The following IGF1R variants were observed in gnomAD, a reference collection of about 807,000 sequenced individuals.
IGF1R encodes the protein insulin-like growth factor 1 receptor.
In IGF1R, 44 loss-of-function variants were observed where a neutral mutation model predicts 144.6. The ratio of observed to expected loss-of-function variants is 0.30; its 90% CI spans 0.24 to 0.39. The LOEUF (loss-of-function observed/expected upper bound fraction) is 0.39. IGF1R is among the 10% of genes least tolerant of loss of function. IGF1R has a pLI of 1.00. For missense variants in IGF1R, 1,355 were observed against 1,833.7 expected (o/e 0.74, Z 4.77); for synonymous variants, 795 against 722.8 (o/e 1.10, Z -1.60).
intron 2 of IGF1R, among the ~76,000 whole-genome samples, chr15:98,751,615 C>G (rs2055014149): frequency 6.6e-6 from 1 of 152,276 alleles, no homozygotes; most frequent in Non-Finnish European, 1.5e-5. Context: ...CTCTGTTGTA[C>G]TACTTAATCT....
chr15:98,852,943 A>T (rs901424042), intron 2 of IGF1R, among the ~76,000 whole-genome samples: 1 of 152,146 alleles, frequency 6.6e-6, no homozygotes, highest in Non-Finnish European at 1.5e-5. Flanking sequence ...ATTGCTCTCC[A>T]TGTGGGACAG....
chr15:98,660,995 G>T (rs1232160046), intron 1 of IGF1R, among the ~76,000 whole-genome samples: 1 of 152,138 alleles, frequency 6.6e-6, no homozygotes, highest in Non-Finnish European at 1.5e-5. Context: ...TAGGGTACTT[G>T]CACACCTGCT....
At chr15:98,761,893 G>C (rs1484883527) in intron 2 of IGF1R, among the ~76,000 whole-genome samples, 1 of 152,238 alleles carries the variant, frequency 6.6e-6, no homozygotes, top group Non-Finnish European at 1.5e-5. Context: ...GGGGTACAGT[G>C]ATGAGCAAGC....
In IGF1R at chr15:98,935,283, C is replaced by A; in HGVS notation, c.3187-33C>A. ...CAGGCATCAGCAAGGGCCACCTGAC[C>A]CTCTGAGTCTTTCTCTTTTTGATTC... On this transcript the variant is annotated intron_variant, in intron 16 of 20. Transcript: ENST00000650285. The surrounding 1 kb of genome is among the most constrained non-coding windows in gnomAD (Gnocchi z 4.2). 2.1e-6 allele frequency: 3 copies of A among 1,429,630 alleles called. No individual in the cohort carries two copies. Among genetic ancestry groups the A allele is most frequent in the Non-Finnish European group, 1.9e-6 (2 of 1,036,838 alleles). 88.6% of individuals were successfully genotyped at this position (1,429,630 alleles called of 1,614,324 possible).
At chr15:98,731,427 A>G (rs1156788291) in intron 2 of IGF1R, among the ~76,000 whole-genome samples, 1 of 152,174 alleles carries the variant, frequency 6.6e-6, no homozygotes, top group Non-Finnish European at 1.5e-5. Context: ...TTCCCCTCAT[A>G]TGACTTTGGT....
intron 1 of IGF1R, among the ~76,000 whole-genome samples, chr15:98,694,194 T>G (rs2053545082): frequency 6.6e-6 from 1 of 152,196 alleles, no homozygotes; most frequent in Non-Finnish European, 1.5e-5. Flanking sequence ...TGCTGACTTT[T>G]AAGCAAATTA....
chr15:98,668,382 G>A (rs1000160502), intron 1 of IGF1R, among the ~76,000 whole-genome samples: 1 of 152,148 alleles, frequency 6.6e-6, no homozygotes, highest in African/African-American at 2.4e-5. Context: ...GATTCTCTAT[G>A]GAAGTTCTTG....
chr15:98,912,948 A>G, intron 7 of IGF1R, 96 bp from the exon 8 acceptor site: 2 of 794,268 alleles, frequency 2.5e-6, no homozygotes, highest in East Asian at 2.5e-5. Context: ...TAGACCTCCC[A>G]TTATAGAAAG....
intron 1 of IGF1R, among the ~76,000 whole-genome samples, chr15:98,697,554 C>T (rs1297153398): frequency 1.3e-5 from 2 of 151,750 alleles, no homozygotes; most frequent in Non-Finnish European, 2.9e-5. Context: ...CCTGTGTGTG[C>T]TGTATCTGCA....
intron 2 of IGF1R, among the ~76,000 whole-genome samples, chr15:98,841,097 A>G (rs2011166351): frequency 6.6e-6 from 1 of 152,196 alleles, no homozygotes; most frequent in African/African-American, 2.4e-5. Flanking sequence ...GTATGTGTTG[A>G]AAAACAATCT....
At chr15:98,705,245 G>A in intron 1 of IGF1R, among the ~76,000 whole-genome samples, 1 of 152,174 alleles carries the variant, frequency 6.6e-6, no homozygotes, top group East Asian at 1.9e-4. Flanking sequence ...GGCAATGCCA[G>A]GTGACTGGAA....
intron 1 of IGF1R, among the ~76,000 whole-genome samples, chr15:98,690,790 A>G (rs1380821567): frequency 1.3e-5 from 2 of 152,032 alleles, no homozygotes; most frequent in Non-Finnish European, 2.9e-5. Context: ...CATTTTTTCC[A>G]TGTGGTTATG....
chr15:98,819,720 C>CT (rs1313669082), intron 2 of IGF1R, among the ~76,000 whole-genome samples: 1 of 152,134 alleles, frequency 6.6e-6, no homozygotes, highest in African/African-American at 2.4e-5. Flanking sequence ...AAATTAATAA[C>CT]TTTAAAAAGA....
In IGF1R at chr15:98,803,794, C is replaced by T. The variant is rs555660752; in HGVS notation, c.641-87531C>T. 7.9e-5 allele frequency among the ~76,000 whole-genome samples: 12 copies of T among 152,298 alleles called. No individual in the cohort carries two copies. In the East Asian group the frequency reaches 1.3e-3, roughly 17 times the overall value. ...GCACTGGGATTACAGGCATGAGCCA[C>T]GGCGCCTGGCCACAGTTAACTTTTT... is the stretch of plus-strand genomic sequence containing the variant. On this transcript the variant is annotated intron_variant, in intron 2 of 20. Coordinates refer to ENST00000650285, the MANE Select transcript of IGF1R (RefSeq NM_000875.5).
intron 2 of IGF1R, among the ~76,000 whole-genome samples, chr15:98,788,015 G>T (rs1367304664): frequency 1.1e-4 from 16 of 150,526 alleles, no homozygotes; most frequent in African/African-American, 2.9e-4. Flanking sequence ...CTCAGGCCAC[G>T]TTCCTATGGT....
At chr15:98,909,251 CTTTTTTTTTCTT>C (rs2014882099) in intron 6 of IGF1R, among the ~76,000 whole-genome samples, 2 of 38,898 alleles carry the variant, frequency 5.1e-5, no homozygotes, top group Admixed American at 6.5e-4. Context: ...TCTTTTTTTT[CTTTTTTTTTCTT>C]TTTTTTTTTT....
chr15:98,830,622 T>TTTTTTTTTG (rs1567150757), intron 2 of IGF1R, among the ~76,000 whole-genome samples: 1 of 150,942 alleles, frequency 6.6e-6, no homozygotes, highest in African/African-American at 2.4e-5. Flanking sequence ...TTTTTTTTTT[T>TTTTTTTTTG]AGATGGAGTC....
intron 1 of IGF1R, among the ~76,000 whole-genome samples, chr15:98,667,538 G>A (rs1316889566): frequency 6.6e-6 from 1 of 152,180 alleles, no homozygotes; most frequent in East Asian, 1.9e-4. Context: ...CGAAGGCCAG[G>A]TCCGCCTGTC....
intron 2 of IGF1R, among the ~76,000 whole-genome samples, chr15:98,883,325 T>G (rs947147384): frequency 4.6e-5 from 7 of 152,226 alleles, no homozygotes; most frequent in Non-Finnish European, 1.0e-4. Flanking sequence ...CAACCATTCC[T>G]TAGGATGACC....
Sources: allele counts gnomAD v4.1 joint callset (sites outside exome capture counted in the v4.1 genomes callset), GRCh38; gene constraint gnomAD v4.1.1; non-coding constraint Gnocchi (gnomAD v3.1); transcripts MANE v1.5; gene names NCBI Gene and HGNC (gene_info 2026-07-23, HGNC 2026-07-21).